SOCS7: variants seen among roughly 807,000 people sequenced by gnomAD.
The protein encoded by SOCS7 is suppressor of cytokine signaling 7.
A neutral mutation model predicts 58.9 loss-of-function variants in SOCS7; 18 were observed. The observed-to-expected ratio is 0.31, with a 90% confidence interval of 0.21 to 0.45. The LOEUF is 0.45. Ranked by LOEUF, SOCS7 falls within the 20% of genes least tolerant of loss-of-function variation. The probability of loss-of-function intolerance (pLI) is 1.00; values close to 1 mark genes in which losing one functional copy is unlikely to be tolerated. For missense variants in SOCS7, 667 were observed against 837.3 expected (o/e 0.80, Z 2.51); for synonymous variants, 388 against 364.3 (o/e 1.06, Z -0.74).
chr17:38,390,686 TCCTTCCTTC>T (rs1425755167), intron 7 of SOCS7, among the ~76,000 whole-genome samples: 2 of 149,852 alleles, frequency 1.3e-5, no homozygotes, highest in Non-Finnish European at 3.0e-5. Context: ...CTTCCTTCCT[TCCTTCCTTC>T]TCTTTCTTTC....
At chr17:38,371,066 C>A (rs904434504) in intron 6 of SOCS7, among the ~76,000 whole-genome samples, 1 of 152,148 alleles carries the variant, frequency 6.6e-6, no homozygotes, top group African/African-American at 2.4e-5. Flanking sequence ...AGACTCAAAT[C>A]TGCAGTTCTC....
intron 9 of SOCS7, among the ~76,000 whole-genome samples, chr17:38,397,703 G>C (rs2038262877): frequency 6.6e-6 from 1 of 152,200 alleles, no homozygotes; most frequent in South Asian, 2.1e-4. Context: ...TGAGAATAGA[G>C]TGCTGAGCAA....
At chr17:38,392,988 G>A (rs996820645) in intron 7 of SOCS7, among the ~76,000 whole-genome samples, 1 of 152,076 alleles carries the variant, frequency 6.6e-6, no homozygotes, top group African/African-American at 2.4e-5. Flanking sequence ...TAGTTTTAAA[G>A]ACTAAATAAG....
chr17:38,384,181 T>TAAA (rs2038038002), intron 7 of SOCS7, among the ~76,000 whole-genome samples: 2 of 152,338 alleles, frequency 1.3e-5, no homozygotes, highest in Middle Eastern at 6.8e-3. Context: ...AATGGTGTAA[T>TAAA]AAACCCTGTG....
intron 6 of SOCS7, among the ~76,000 whole-genome samples, chr17:38,370,960 A>G (rs2037856016): frequency 1.3e-5 from 2 of 152,050 alleles, no homozygotes; most frequent in Admixed American, 1.3e-4. Context: ...TATAACTGGA[A>G]TTTTTAATGG....
chr17:38,369,848 G>A lies in SOCS7; in HGVS notation c.1552+1798G>A, dbSNP rs561014374. Among the ~76,000 whole-genome samples, 264 of 150,848 alleles carry A rather than the reference G, an allele frequency of 1.8e-3. 1 individual carries two copies. Among genetic ancestry groups the A allele is most frequent in the Middle Eastern group, 6.8e-3 (2 of 292 alleles). On this transcript the variant is annotated intron_variant, in intron 6 of 9. Coordinates refer to ENST00000612932, the MANE Select transcript of SOCS7 (RefSeq NM_014598.4). ...CTCTGTCACCAGGCTGGAGTGCAGTGGTGTGATCTTGGCTCACTGCAACCT... is the reference window on the plus strand; with the variant it reads ...CTCTGTCACCAGGCTGGAGTGCAGTAGTGTGATCTTGGCTCACTGCAACCT...
In SOCS7 at chr17:38,400,600, G is replaced by T. The variant is rs1416127841; in HGVS notation, c.*1118G>T. Reference sequence around the variant, plus strand: ...TTTCCTTAGGTCAGAGGAGAGCATCGCATCTCACGTTTTTAGGTTTATCAC... The same window carrying T: ...TTTCCTTAGGTCAGAGGAGAGCATCTCATCTCACGTTTTTAGGTTTATCAC... On this transcript the variant is annotated 3_prime_UTR_variant, in exon 10 of 10. Transcript: ENST00000612932. 1 of 152,128 alleles carries T rather than the reference G, an allele frequency of 6.6e-6. No homozygotes were observed. The highest frequency in any genetic ancestry group is 1.5e-5 in the Non-Finnish European group (1 of 68,030). 9.4% of individuals were successfully genotyped at this position (152,128 alleles called of 1,614,324 possible).
At chr17:38,369,514 G>GA (rs1477932896) in intron 6 of SOCS7, among the ~76,000 whole-genome samples, 5 of 151,960 alleles carry the variant, frequency 3.3e-5, no homozygotes, top group Admixed American at 6.6e-5. Context: ...AACACACAAG[G>GA]AAAAAAACAA....
At chr17:38,370,703 G>C (rs986753805) in intron 6 of SOCS7, among the ~76,000 whole-genome samples, 3 of 150,344 alleles carry the variant, frequency 2.0e-5, no homozygotes, top group Non-Finnish European at 2.9e-5. Flanking sequence ...AGGCTAGAGT[G>C]CAATGGCGCG....
intron 4 of SOCS7, 174 bp downstream of exon 4, chr17:38,365,583 C>T: frequency 2.2e-6 from 1 of 455,158 alleles, no homozygotes; most frequent in Non-Finnish European, 3.8e-6. Flanking sequence ...ACTGGTTTTC[C>T]TAACCCGTTT....
Position 38,352,988 on chromosome 17 carries a change from G to A in SOCS7, c.936G>A (p.Leu312=), listed in dbSNP as rs1396959670. 1 of 1,605,922 alleles carries A rather than the reference G, an allele frequency of 6.2e-7. No individual in the cohort carries two copies. The highest frequency in any genetic ancestry group is 8.5e-7 in the Non-Finnish European group (1 of 1,177,880). ...AGCTGGCTGCTTCAGCTGCGAGCCT[G>A]ACAGACATGGGAGGCTCTGCGGGCC... ...SGELAASAAS[L]TDMGGSAGRE... The change falls in exon 1 of 10, where the codon CTG becomes CTA. Residue 312 remains leucine (L), a synonymous_variant. Transcript: ENST00000612932. The surrounding 1 kb of genome is among the most constrained non-coding windows in gnomAD (Gnocchi z 5.5).
Position 38,366,374 on chromosome 17 carries a change from C to T in SOCS7, c.1340C>T (p.Pro447Leu), listed in dbSNP as rs372664557. 3 of 1,614,140 alleles carry T rather than the reference C, an allele frequency of 1.9e-6. No individual in the cohort carries two copies. The African/African-American group carries it at 4.0e-5, about 22-fold the overall frequency. Residue 447 changes from proline (P) to leucine (L), a missense_variant, in exon 5 of 10, where the codon CCT becomes CTT. By Grantham distance (98) the Pro-to-Leu change is moderately conservative. Coordinates refer to ENST00000612932, the MANE Select transcript of SOCS7 (RefSeq NM_014598.4). ...PQHLQCPLYR[P>L]DSSSFAASLR... ...CACCTCCAGTGTCCCCTCTACCGGC[C>T]TGACTCGAGCAGCTTTGCAGCCAGC...
chr17:38,392,115 G>A (rs1439147427), intron 7 of SOCS7, among the ~76,000 whole-genome samples: 5 of 152,194 alleles, frequency 3.3e-5, no homozygotes, highest in African/African-American at 1.2e-4. Flanking sequence ...AACTGCTTCT[G>A]TTAGCATGCT....
chr17:38,383,027 C>G (rs1671003347), intron 7 of SOCS7, among the ~76,000 whole-genome samples: 1 of 151,978 alleles, frequency 6.6e-6, no homozygotes, highest in Non-Finnish European at 1.5e-5. Flanking sequence ...GTGACAATCA[C>G]ATTATGTCTC....
intron 6 of SOCS7, among the ~76,000 whole-genome samples, chr17:38,371,101 G>A (rs1187975753): frequency 4.6e-5 from 7 of 151,850 alleles, no homozygotes; most frequent in Non-Finnish European, 1.0e-4. Context: ...TCCCTTTTTT[G>A]TGTTTGTTTG....
chr17:38,389,897 A>ATGTACATATATATATATATATG (rs1555571091), intron 7 of SOCS7, among the ~76,000 whole-genome samples: 29 of 77,374 alleles, frequency 3.7e-4, no homozygotes, highest in Non-Finnish European at 5.1e-4. Flanking sequence ...ATATATATAT[A>ATGTACATATATATATATATATG]TACACATATA....
chr17:38,361,881 C>A, intron 2 of SOCS7, 106 bp downstream of exon 2: 2 of 764,762 alleles, frequency 2.6e-6, no homozygotes, highest in Non-Finnish European at 4.3e-6. Flanking sequence ...GGCGTGTCTG[C>A]AGTTATTTCC....
rs1056907991 is a variant in SOCS7, at chr17:38,370,723, C to T, written c.1552+2673C>T. ...AGAGTGCAATGGCGCGATCTCAGCT[C>T]AGTGTCAACCTCTGCCTTCCAGGTT... is the stretch of plus-strand genomic sequence containing the variant. On this transcript the variant is annotated intron_variant, in intron 6 of 9. Transcript: ENST00000612932. 3.3e-5 allele frequency among the ~76,000 whole-genome samples: 5 copies of T among 151,590 alleles called. No individual in the cohort carries two copies. The East Asian group carries it at 9.8e-4, about 30-fold the overall frequency.
intron 7 of SOCS7, among the ~76,000 whole-genome samples, chr17:38,389,910 G>GT (rs2038147310): frequency 1.6e-4 from 1 of 6,442 alleles, no homozygotes; most frequent in African/African-American, 5.8e-4. Context: ...CACATATAGA[G>GT]AGAGAGAGAG....
Sources: allele counts gnomAD v4.1 joint callset (sites outside exome capture counted in the v4.1 genomes callset), GRCh38; gene constraint gnomAD v4.1.1; non-coding constraint Gnocchi (gnomAD v3.1); transcripts MANE v1.5; gene names NCBI Gene and HGNC (gene_info 2026-07-23, HGNC 2026-07-21).